EIF3B: variants seen among roughly 807,000 people sequenced by gnomAD.
EIF3B encodes the protein eukaryotic translation initiation factor 3 subunit B, also known as eukaryotic translation initiation factor 3 subunit 9.
Under a neutral mutation model 104.6 loss-of-function variants are expected in EIF3B, and 10 were observed. The ratio of observed to expected loss-of-function variants is 0.10; its 90% CI spans 0.06 to 0.16. The LOEUF is 0.16. Among genes scored for constraint, EIF3B ranks in the 10% least tolerant of loss-of-function variants. The probability of loss-of-function intolerance (pLI) is 1.00; values close to 1 mark genes in which losing one functional copy is unlikely to be tolerated. For missense variants in EIF3B, 1,014 were observed against 1,087.9 expected, an observed-to-expected ratio of 0.93 and a Z score of 0.96; for synonymous variants, 542 against 417.2, an observed-to-expected ratio of 1.30 and a Z score of -3.65.
At position 2,360,779 on chromosome 7, in the gene EIF3B, A is replaced by G. The variant is rs746875139; in HGVS notation, c.569A>G (p.Asp190Gly). 1.9e-6 allele frequency: 3 copies of G among 1,613,024 alleles called. No individual in the cohort carries two copies. The highest frequency in any genetic ancestry group is 2.5e-6 in the Non-Finnish European group (3 of 1,179,054). ...ADGIDSVIVV[D>G]NVPQVGPDRL... is the part of the protein sequence containing the mutation. ...GGAATCGATTCGGTGATTGTAGTGGACAATGTCCCTCAGGTGGGACCCGAC... is the reference window on the plus strand; with the variant it reads ...GGAATCGATTCGGTGATTGTAGTGGGCAATGTCCCTCAGGTGGGACCCGAC... The change falls in exon 2 of 19, where the codon GAC (aspartate) becomes GGC (glycine). Residue 190 changes from aspartate to glycine, a missense_variant. By Grantham distance (94) the Asp-to-Gly change is moderately conservative. Around this residue, in one of 4 missense-constraint regions of EIF3B, gnomAD observed 488 missense variants for 404.3 expected, o/e 1.21. Coordinates refer to ENST00000360876, the MANE Select transcript of EIF3B (RefSeq NM_001037283.2).
chr7:2,374,341 T>A, intron 12 of EIF3B, 187 bp from the exon 13 acceptor site: 1 of 529,044 alleles, frequency 1.9e-6, no homozygotes, highest in Non-Finnish European at 3.4e-6. Flanking sequence ...TTTTTCCCAT[T>A]TAAAGTATGG....
intron 2 of EIF3B, 35 bp from the exon 3 acceptor site, chr7:2,362,610 G>T: frequency 6.2e-7 from 1 of 1,613,612 alleles, no homozygotes; most frequent in Admixed American, 1.7e-5. Context: ...TAGCCTTACA[G>T]TGTGGGTATG....
intron 10 of EIF3B, among the ~76,000 whole-genome samples, chr7:2,370,028 T>C (rs1406302394): frequency 6.6e-6 from 1 of 152,084 alleles, no homozygotes; most frequent in Non-Finnish European, 1.5e-5. Flanking sequence ...CTGCCCGCCT[T>C]GGCCACCCAA....
chr7:2,377,999 T>A (rs13239861), intron 15 of EIF3B: 30 of 21,646 alleles, frequency 1.4e-3, no homozygotes, highest in Admixed American at 7.1e-3. Flanking sequence ...AGGCGCGAGC[T>A]CTCCTGGGAT....
chr7:2,360,934 T>C (rs777820924), intron 2 of EIF3B, 32 bp downstream of exon 2: 7 of 1,549,808 alleles, frequency 4.5e-6, no homozygotes, highest in Non-Finnish European at 6.2e-6. Flanking sequence ...AAGTATCATC[T>C]GTGTCTGGCA....
chr7:2,370,652 A>G (rs1334072037), intron 10 of EIF3B, among the ~76,000 whole-genome samples: 3 of 152,086 alleles, frequency 2.0e-5, no homozygotes, highest in East Asian at 3.9e-4. Context: ...ACCACCACTC[A>G]TTTCAGAACG....
In EIF3B at chr7:2,363,120, A is replaced by G. The variant is rs775203648; in HGVS notation, c.863A>G (p.Lys288Arg). The G allele has an allele frequency of 4.3e-6, 7 of 1,613,896 alleles. No homozygotes were observed. The Admixed American group carries it at 8.3e-5, about 19-fold the overall frequency. Residue 288 changes from lysine to arginine, a missense_variant, in exon 4 of 19, where the codon AAA (lysine) becomes AGA (arginine). By Grantham distance (26) the Lys-to-Arg change is conservative (BLOSUM62 2). Coordinates refer to ENST00000360876, the MANE Select transcript of EIF3B (RefSeq NM_001037283.2). The part of the protein sequence containing the change: ...EWDIPEKQPF[K>R]DLGNLRYWLE... ...GATATTCCAGAGAAACAGCCTTTCAAAGACCTGGTGAGTGGCCTGAAACCT... is the reference window on the plus strand; with the variant it reads ...GATATTCCAGAGAAACAGCCTTTCAGAGACCTGGTGAGTGGCCTGAAACCT...
At chr7:2,370,685 G>T (rs1197192772) in intron 10 of EIF3B, among the ~76,000 whole-genome samples, 2 of 152,108 alleles carry the variant, frequency 1.3e-5, no homozygotes, top group East Asian at 3.9e-4. Context: ...GGGTGCGGTG[G>T]CTCCCCCGGG....
Position 2,354,911 on chromosome 7 carries a change from G to T in EIF3B, c.-11G>T. 6.6e-6 allele frequency: 8 copies of T among 1,215,600 alleles called. No homozygotes were observed. The highest frequency in any genetic ancestry group is 8.2e-6 in the Non-Finnish European group (8 of 972,136). 75.3% of individuals were successfully genotyped at this position (1,215,600 alleles called of 1,614,324 possible). On this transcript the variant is annotated 5_prime_UTR_variant, in exon 1 of 19. Transcript: ENST00000360876. ...GGCCGCGGAGCCCTGCGAGTAGGCA[G>T]CGTTGGGCCCATGCAGGACGCGGAG...
In EIF3B at chr7:2,377,135, G is replaced by A. The variant is rs113422832; in HGVS notation, c.2154+60G>A. ...TGGAGGCAATTGTGGCGTTGAAAAG[G>A]TGTCAGTTTTTTCTGTTATTGTTAG... On this transcript the variant is annotated intron_variant, in intron 15 of 18. Coordinates refer to ENST00000360876, the MANE Select transcript of EIF3B (RefSeq NM_001037283.2). The A allele has an allele frequency of 2.7e-5, 41 of 1,540,532 alleles. No homozygotes were observed. The African/African-American group carries it at 3.3e-4, about 12-fold the overall frequency.
At chr7:2,363,384 G>A (rs1390995247) in intron 4 of EIF3B, among the ~76,000 whole-genome samples, 1 of 97,584 alleles carries the variant, frequency 1.0e-5, no homozygotes, top group African/African-American at 3.0e-5. Context: ...ACTTGAGCCT[G>A]GGAGGTTGAG....
At chr7:2,354,564 G>T (rs140272911), upstream of EIF3B, among the ~76,000 whole-genome samples, 39 of 152,324 alleles carry the variant, frequency 2.6e-4, no homozygotes, top group African/African-American at 9.4e-4. Context: ...CGTCCGACGG[G>T]AAAGGAAAGG....
At chr7:2,368,389 G>A (rs960146352) in intron 9 of EIF3B, among the ~76,000 whole-genome samples, 44 of 151,932 alleles carry the variant, frequency 2.9e-4, no homozygotes, top group African/African-American at 9.9e-4. Flanking sequence ...CAAGTGATCC[G>A]CCTGCCCGCC....
chr7:2,366,696 G>T, intron 8 of EIF3B, 105 bp downstream of exon 8: 1 of 1,331,886 alleles, frequency 7.5e-7, no homozygotes. Flanking sequence ...AGGTTTCACA[G>T]ATGCATAGGA....
chr7:2,364,541 G>GA lies in EIF3B; in HGVS notation c.1157+17dup. 6.2e-7 allele frequency: 1 copy of GA among 1,608,858 alleles called. No individual in the cohort carries two copies. Among genetic ancestry groups the GA allele is most frequent in the Admixed American group, 1.7e-5 (1 of 58,982 alleles). Reference sequence around the variant, plus strand: ...TCACCTTGTGAAAGGTAAGCTGCTAGAAAAACACAGGGGAGTCTATGCATT... The same window carrying GA: ...TCACCTTGTGAAAGGTAAGCTGCTAGAAAAAACACAGGGGAGTCTATGCATT... On this transcript the variant is annotated intron_variant, in intron 6 of 18. Coordinates refer to ENST00000360876, the MANE Select transcript of EIF3B (RefSeq NM_001037283.2).
At chr7:2,361,787 G>A (rs2115290617) in intron 2 of EIF3B, among the ~76,000 whole-genome samples, 1 of 149,784 alleles carries the variant, frequency 6.7e-6, no homozygotes, top group East Asian at 2.0e-4. Context: ...TTTTTTGTTT[G>A]TTTGTTTGTT....
In EIF3B at chr7:2,355,063, A is replaced by C. The variant is rs927045802; in HGVS notation, c.142A>C (p.Thr48Pro). Reference sequence around the variant, plus strand: ...GCCCGGCGCTCCGGAGGCCGCGGGGACCGAGGCCTCCAGTGAGGAGGTGGG... The same window carrying C: ...GCCCGGCGCTCCGGAGGCCGCGGGGCCCGAGGCCTCCAGTGAGGAGGTGGG... ...AGPGAPEAAG[T>P]EASSEEVGIA... Residue 48 changes from threonine to proline, a missense_variant, in exon 1 of 19, where the codon ACC (threonine) becomes CCC (proline). Thr to Pro is a conservative substitution (Grantham distance 38). Coordinates refer to ENST00000360876, the MANE Select transcript of EIF3B (RefSeq NM_001037283.2). 1 of 1,242,002 alleles carries C rather than the reference A, an allele frequency of 8.1e-7. No homozygotes were observed. The highest frequency in any genetic ancestry group is 1.0e-6 in the Non-Finnish European group (1 of 993,384). 76.9% of individuals were successfully genotyped at this position (1,242,002 alleles called of 1,614,324 possible).
intron 2 of EIF3B, 64 bp downstream of exon 2, chr7:2,360,966 C>G (rs1384369316): frequency 2.2e-6 from 3 of 1,375,348 alleles, no homozygotes; most frequent in Non-Finnish European, 3.0e-6. Flanking sequence ...GGGAGTGTTG[C>G]AGGAGATCCT....
chr7:2,369,765 ATTTTTTTTTTTT>A (rs552367791), intron 10 of EIF3B, 83 bp downstream of exon 10: 46 of 366,126 alleles, frequency 1.3e-4, no homozygotes, highest in South Asian at 3.8e-4. Context: ...GTGTTAATGG[ATTTTTTTTTTTT>A]TTTTTTTTTT....
Sources: allele counts gnomAD v4.1 joint callset (sites outside exome capture counted in the v4.1 genomes callset), GRCh38; gene constraint gnomAD v4.1.1; regional missense constraint gnomAD v4.1.1; transcripts MANE v1.5; gene names NCBI Gene and HGNC (gene_info 2026-07-23, HGNC 2026-07-21).